Variants in CAMK4 observed in about 807,000 individuals in gnomAD.
The protein encoded by CAMK4 is calcium/calmodulin-dependent protein kinase type IV.
A neutral mutation model predicts 44.9 loss-of-function variants in CAMK4; 22 were observed. The observed-to-expected ratio is 0.49, with a 90% CI of 0.35 to 0.70. The LOEUF (loss-of-function observed/expected upper bound fraction) is 0.70. Among genes scored for constraint, CAMK4 ranks in the 30% least tolerant of loss-of-function variants. CAMK4 has a pLI of 0.01. For missense variants in CAMK4, 498 were observed against 586.8 expected (o/e 0.85, Z 1.56); for synonymous variants, 218 against 215.4 (o/e 1.01, Z -0.11).
chr5:111,269,380 G>T (rs943495457), intron 1 of CAMK4, among the ~76,000 whole-genome samples: 1 of 151,954 alleles, frequency 6.6e-6, no homozygotes, highest in East Asian at 1.9e-4. Flanking sequence ...TCCCTTTCCC[G>T]TTCCTCTTCA....
chr5:111,309,720 C>T lies in CAMK4; in HGVS notation c.162-34304C>T, dbSNP rs78680218. Among the ~76,000 whole-genome samples the T allele has an allele frequency of 3.7e-3, 566 of 152,230 alleles. 4 individuals are homozygous for T. The highest frequency in any genetic ancestry group is 8.0e-3 in the Admixed American group (122 of 15,278). Reference sequence around the variant, plus strand: ...GTGTCCCTCCATGACCACCCTTTAACTTCTATTATCTCACTAAAATGTCTG... The same window carrying T: ...GTGTCCCTCCATGACCACCCTTTAATTTCTATTATCTCACTAAAATGTCTG... On this transcript the variant is annotated intron_variant, in intron 1 of 10. Transcript: ENST00000282356.
intron 1 of CAMK4, among the ~76,000 whole-genome samples, chr5:111,309,450 G>A (rs1748104862): frequency 6.6e-6 from 1 of 152,078 alleles, no homozygotes; most frequent in African/African-American, 2.4e-5. Flanking sequence ...CAAAATATGT[G>A]CCCATTTTTG....
At chr5:111,443,295 C>T (rs1381652241) in intron 5 of CAMK4, among the ~76,000 whole-genome samples, 236 of 135,910 alleles carry the variant, frequency 1.7e-3, no homozygotes, top group Admixed American at 3.9e-3. Flanking sequence ...CACACACACA[C>T]ACACACACAC....
intron 1 of CAMK4, among the ~76,000 whole-genome samples, chr5:111,330,456 G>A (rs989358905): frequency 1.3e-5 from 2 of 150,104 alleles, no homozygotes; most frequent in South Asian, 2.1e-4. Context: ...TAAAATCCTA[G>A]CAGGATCTTT....
intron 1 of CAMK4, among the ~76,000 whole-genome samples, chr5:111,314,028 G>T (rs1325669992): frequency 6.6e-6 from 1 of 151,986 alleles, no homozygotes. Context: ...CTTTTTCTCT[G>T]TTAGGACAAT....
intron 1 of CAMK4, among the ~76,000 whole-genome samples, chr5:111,321,615 A>T (rs1427651152): frequency 6.6e-6 from 1 of 152,174 alleles, no homozygotes; most frequent in Non-Finnish European, 1.5e-5. Context: ...TAGAAACAGC[A>T]GTGGGTGTAG....
chr5:111,282,041 A>G (rs886797553), intron 1 of CAMK4, among the ~76,000 whole-genome samples: 2 of 151,406 alleles, frequency 1.3e-5, no homozygotes, highest in African/African-American at 4.9e-5. Flanking sequence ...CCTGGGCGAC[A>G]GCGAGACTCC....
At chr5:111,424,632 A>G (rs1753154212) in intron 5 of CAMK4, among the ~76,000 whole-genome samples, 1 of 151,372 alleles carries the variant, frequency 6.6e-6, no homozygotes, top group African/African-American at 2.4e-5. Context: ...TATTTTTAGT[A>G]GAGATGGGGT....
At chr5:111,416,972 G>C (rs1158890173) in intron 5 of CAMK4, among the ~76,000 whole-genome samples, 1 of 152,188 alleles carries the variant, frequency 6.6e-6, no homozygotes, top group Non-Finnish European at 1.5e-5. Context: ...TCTTCCAAAA[G>C]ACTAGTCATG....
intron 5 of CAMK4, among the ~76,000 whole-genome samples, chr5:111,413,619 T>A (rs1310431542): frequency 6.6e-6 from 1 of 152,022 alleles, no homozygotes; most frequent in East Asian, 1.9e-4. Context: ...CTATGAATTG[T>A]TGTAAAACTG....
intron 6 of CAMK4, among the ~76,000 whole-genome samples, chr5:111,448,126 C>A (rs1754092117): frequency 6.6e-6 from 1 of 152,186 alleles, no homozygotes; most frequent in African/African-American, 2.4e-5. Context: ...TGAATGGTTT[C>A]CTGATGTTTC....
intron 1 of CAMK4, among the ~76,000 whole-genome samples, chr5:111,240,534 C>T (rs1227504954): frequency 6.6e-6 from 1 of 152,056 alleles, no homozygotes; most frequent in Non-Finnish European, 1.5e-5. Flanking sequence ...ATTGTCCTAC[C>T]CTCTCTTCTG....
intron 5 of CAMK4, among the ~76,000 whole-genome samples, chr5:111,416,014 G>A (rs75654403): frequency 0.045 from 6,894 of 152,230 alleles, 181 homozygotes; most frequent in African/African-American, 0.068. Flanking sequence ...GTTGGTGTCT[G>A]TGTGGGCCTT....
chr5:111,308,092 G>C (rs1463155371), intron 1 of CAMK4, among the ~76,000 whole-genome samples: 2 of 112,012 alleles, frequency 1.8e-5, no homozygotes, highest in Non-Finnish European at 3.5e-5. Context: ...ACACTCTGGG[G>C]ACTGTGGTGG....
At chr5:111,336,734 G>C (rs1243935229) in intron 1 of CAMK4, among the ~76,000 whole-genome samples, 1 of 150,982 alleles carries the variant, frequency 6.6e-6, no homozygotes, top group East Asian at 1.9e-4. Flanking sequence ...GTGAATTTTT[G>C]AGTAACATTA....
intron 9 of CAMK4, among the ~76,000 whole-genome samples, chr5:111,479,309 A>G (rs1212338668): frequency 1.3e-5 from 2 of 152,142 alleles, no homozygotes; most frequent in African/African-American, 4.8e-5. Context: ...TTAATAGTTC[A>G]TTTTGTTTGT....
At chr5:111,298,851 G>A (rs190385852) in intron 1 of CAMK4, among the ~76,000 whole-genome samples, 23 of 152,358 alleles carry the variant, frequency 1.5e-4, no homozygotes, top group Admixed American at 1.5e-3. Context: ...ACACAATGTT[G>A]TACCTTTATC....
chr5:111,229,534 C>T (rs1490314406), intron 1 of CAMK4, among the ~76,000 whole-genome samples: 4 of 152,234 alleles, frequency 2.6e-5, no homozygotes, highest in African/African-American at 4.8e-5. Context: ...AGCATGGCTG[C>T]TGAAGAAACA....
chr5:111,451,019 C>G (rs561853501), intron 7 of CAMK4, among the ~76,000 whole-genome samples: 113 of 152,192 alleles, frequency 7.4e-4, no homozygotes, highest in Middle Eastern at 3.4e-3. Flanking sequence ...TCATAAAAAT[C>G]AGATAGGCGA....
Sources: allele counts gnomAD v4.1 joint callset (sites outside exome capture counted in the v4.1 genomes callset), GRCh38; gene constraint gnomAD v4.1.1; transcripts MANE v1.5; gene names NCBI Gene and HGNC (gene_info 2026-07-23, HGNC 2026-07-21).